Variants in UVRAG observed in about 807,000 individuals in gnomAD.
The protein encoded by UVRAG is UV radiation resistance-associated gene protein.
Under a neutral mutation model 78.0 loss-of-function variants are expected in UVRAG, and 19 were observed. The observed-to-expected ratio is 0.24, with a 90% CI of 0.17 to 0.36. The LOEUF is 0.36. UVRAG is among the 10% of genes least tolerant of loss of function. The probability of loss-of-function intolerance (pLI) is 1.00; values close to 1 mark genes in which losing one functional copy is unlikely to be tolerated. For missense variants in UVRAG, 740 were observed against 853.8 expected (o/e 0.87, Z 1.66); for synonymous variants, 323 against 324.6 (o/e 1.00, Z 0.05).
At chr11:75,818,701 A>T (rs1945319849) in intron 1 of UVRAG, among the ~76,000 whole-genome samples, 1 of 151,886 alleles carries the variant, frequency 6.6e-6, no homozygotes, top group South Asian at 2.1e-4. Flanking sequence ...CTGGTCTGGA[A>T]CCCCTGTCCT....
intron 7 of UVRAG, among the ~76,000 whole-genome samples, chr11:75,969,910 C>T (rs57577538): frequency 6.6e-6 from 1 of 152,164 alleles, no homozygotes; most frequent in Non-Finnish European, 1.5e-5. Context: ...TTAAAGTTTT[C>T]TATCAGCTTA....
intron 13 of UVRAG, among the ~76,000 whole-genome samples, chr11:76,111,714 G>A (rs1248991890): frequency 3.3e-5 from 5 of 152,082 alleles, no homozygotes; most frequent in Non-Finnish European, 2.9e-5. Context: ...TGGGGCTGTA[G>A]TACTAACCTT....
chr11:76,088,902 A>G (rs555027454), intron 13 of UVRAG, among the ~76,000 whole-genome samples: 1 of 152,310 alleles, frequency 6.6e-6, no homozygotes, highest in South Asian at 2.1e-4. Context: ...TTTTGCATGT[A>G]TGTCTCCCCT....
chr11:75,987,113 C>G (rs372795188), intron 8 of UVRAG, among the ~76,000 whole-genome samples: 1 of 152,132 alleles, frequency 6.6e-6, no homozygotes, highest in Non-Finnish European at 1.5e-5. Flanking sequence ...ATTCCTGTTA[C>G]GTACACCTGG....
intron 3 of UVRAG, among the ~76,000 whole-genome samples, chr11:75,873,225 C>T (rs527834588): frequency 2.0e-5 from 3 of 152,252 alleles, no homozygotes; most frequent in South Asian, 4.1e-4. Context: ...GGTGAGAAAG[C>T]GAATCACTTT....
intron 8 of UVRAG, among the ~76,000 whole-genome samples, chr11:76,001,441 G>A (rs1949812437): frequency 6.6e-6 from 1 of 151,918 alleles, no homozygotes; most frequent in Non-Finnish European, 1.5e-5. Flanking sequence ...ATCGAAGGAA[G>A]GAAATAATAA....
chr11:75,938,082 T>TACAC (rs770709572), intron 6 of UVRAG, among the ~76,000 whole-genome samples: 7 of 149,244 alleles, frequency 4.7e-5, no homozygotes, highest in African/African-American at 1.8e-4. Context: ...TGTATATGTA[T>TACAC]ATACACACAC....
intron 8 of UVRAG, among the ~76,000 whole-genome samples, chr11:75,999,633 C>A (rs1949773604): frequency 6.6e-6 from 1 of 152,114 alleles, no homozygotes; most frequent in Admixed American, 6.5e-5. Context: ...CCCGCCTTGG[C>A]CTCCCAAAGT....
At chr11:76,013,967 G>T (rs868295244) in intron 11 of UVRAG, among the ~76,000 whole-genome samples, 1 of 152,166 alleles carries the variant, frequency 6.6e-6, no homozygotes, top group African/African-American at 2.4e-5. Flanking sequence ...AGGTGGAGTG[G>T]GAAGACTTGT....
intron 5 of UVRAG, among the ~76,000 whole-genome samples, chr11:75,900,012 C>G (rs144527174): frequency 6.6e-6 from 1 of 152,334 alleles, no homozygotes; most frequent in East Asian, 1.9e-4. Context: ...CCCATTCTCT[C>G]TCTTCATTGA....
chr11:76,047,224 T>C (rs773995025), intron 12 of UVRAG, among the ~76,000 whole-genome samples: 6 of 152,250 alleles, frequency 3.9e-5, no homozygotes, highest in South Asian at 4.1e-4. Flanking sequence ...TCAGAGAGGA[T>C]AGAACATTTG....
At chr11:75,850,656 G>C (rs992482139) in intron 1 of UVRAG, among the ~76,000 whole-genome samples, 6 of 152,178 alleles carry the variant, frequency 3.9e-5, no homozygotes, top group Non-Finnish European at 7.3e-5. Context: ...ATAATTAGTG[G>C]TTCCTGTTTT....
At chr11:75,987,353 A>G (rs1489459828) in intron 8 of UVRAG, among the ~76,000 whole-genome samples, 2 of 152,212 alleles carry the variant, frequency 1.3e-5, no homozygotes, top group Non-Finnish European at 2.9e-5. Context: ...AATGACTTAC[A>G]TGCTTCTTAC....
intron 12 of UVRAG, among the ~76,000 whole-genome samples, chr11:76,049,870 G>A (rs1685531291): frequency 6.6e-6 from 1 of 152,196 alleles, no homozygotes; most frequent in African/African-American, 2.4e-5. Flanking sequence ...CACATGGGGA[G>A]AAATAACTGA....
intron 7 of UVRAG, among the ~76,000 whole-genome samples, chr11:75,968,357 A>T (rs1949064638): frequency 6.6e-6 from 1 of 152,226 alleles, no homozygotes; most frequent in South Asian, 2.1e-4. Flanking sequence ...GAGTAAACAG[A>T]TAAATAGAAC....
intron 6 of UVRAG, among the ~76,000 whole-genome samples, chr11:75,948,295 C>T (rs1234183816): frequency 6.6e-6 from 1 of 152,062 alleles, no homozygotes; most frequent in Non-Finnish European, 1.5e-5. Flanking sequence ...GGAGAGCATT[C>T]TCATGGCAGT....
chr11:75,951,946 T>C, intron 6 of UVRAG, among the ~76,000 whole-genome samples: 1 of 152,250 alleles, frequency 6.6e-6, no homozygotes, highest in East Asian at 1.9e-4. Flanking sequence ...ACTTGACTGC[T>C]TAATAATATC....
intron 6 of UVRAG, among the ~76,000 whole-genome samples, chr11:75,921,714 C>T (rs1947984842): frequency 6.6e-6 from 1 of 151,374 alleles, no homozygotes; most frequent in African/African-American, 2.4e-5. Context: ...TTAATCCACC[C>T]ATCTGCACAC....
intron 8 of UVRAG, among the ~76,000 whole-genome samples, chr11:75,991,611 T>C (rs1044546538): frequency 6.6e-6 from 1 of 152,126 alleles, no homozygotes; most frequent in East Asian, 1.9e-4. Flanking sequence ...TGAGAGGTGA[T>C]GTTGAGATTA....
Sources: allele counts gnomAD v4.1 joint callset (sites outside exome capture counted in the v4.1 genomes callset), GRCh38; gene constraint gnomAD v4.1.1; transcripts MANE v1.5; gene names NCBI Gene and HGNC (gene_info 2026-07-23, HGNC 2026-07-21).